PALS2: variants seen among roughly 807,000 people sequenced by gnomAD.
The protein encoded by PALS2 is protein associated with LIN7 2, MAGUK p55 family member.
Under a neutral mutation model 61.6 loss-of-function variants are expected in PALS2, and 27 were observed. That is an observed-to-expected ratio of 0.44 (90% CI 0.32 to 0.60). The LOEUF (loss-of-function observed/expected upper bound fraction) is 0.60. PALS2 is among the 20% of genes least tolerant of loss of function. PALS2 has a pLI of 0.05. For missense variants in PALS2, 554 were observed against 639.4 expected, an observed-to-expected ratio of 0.87 and a Z score of 1.44; for synonymous variants, 236 against 218.6, an observed-to-expected ratio of 1.08 and a Z score of -0.70.
chr7:24,632,184 CGTTA>C (rs1484833544), intron 2 of PALS2, among the ~76,000 whole-genome samples: 1 of 152,178 alleles, frequency 6.6e-6, no homozygotes, highest in Non-Finnish European at 1.5e-5. Flanking sequence ...CAACTCTTAT[CGTTA>C]TGTAATGCCT....
intron 11 of PALS2, among the ~76,000 whole-genome samples, chr7:24,683,884 T>A (rs189077804): frequency 2.6e-5 from 4 of 152,232 alleles, no homozygotes; most frequent in African/African-American, 4.8e-5. Flanking sequence ...GTCTAATTCC[T>A]TTCTCTTATG....
intron 2 of PALS2, among the ~76,000 whole-genome samples, chr7:24,636,793 T>C (rs1785260674): frequency 6.6e-6 from 1 of 152,172 alleles, no homozygotes; most frequent in South Asian, 2.1e-4. Context: ...TTTGTAGAAG[T>C]CCTTCGTAAG....
rs1788282726 is a variant in PALS2 at position 24,687,756 on chromosome 7, A to G, written c.*142A>G. 1 of 705,484 alleles carries G rather than the reference A, an allele frequency of 1.4e-6. No homozygotes were observed. Among genetic ancestry groups the G allele is most frequent in the Non-Finnish European group, 2.1e-6 (1 of 471,160 alleles). The allele number at this position is 705,484 out of a possible 1,614,324, so 43.7% of individuals were successfully genotyped here. Reference sequence around the variant, plus strand: ...TTATGGTGTAGATTGAAATAATAGTACACTTCTGAATTTTTATATAAAATG... The same window carrying G: ...TTATGGTGTAGATTGAAATAATAGTGCACTTCTGAATTTTTATATAAAATG... On this transcript the variant is annotated 3_prime_UTR_variant, in exon 12 of 12. Transcript: ENST00000222644. This position sits in a 1 kb window ranked among gnomAD's most constrained non-coding sequence, Gnocchi z 4.5.
chr7:24,676,839 G>A (rs1787626310), intron 9 of PALS2, among the ~76,000 whole-genome samples: 1 of 151,108 alleles, frequency 6.6e-6, no homozygotes, highest in Non-Finnish European at 1.5e-5. Context: ...TTTTGGCTTA[G>A]GATTGACTTG....
intron 1 of PALS2, among the ~76,000 whole-genome samples, chr7:24,611,282 A>G (rs1378609066): frequency 6.6e-6 from 1 of 152,018 alleles, no homozygotes; most frequent in Admixed American, 6.6e-5. Context: ...TTGCCATTTT[A>G]GTAGACTAAA....
chr7:24,612,831 C>CT (rs1333097971), intron 1 of PALS2, among the ~76,000 whole-genome samples: 1 of 151,836 alleles, frequency 6.6e-6, no homozygotes, highest in Non-Finnish European at 1.5e-5. Flanking sequence ...TTACTTAAAA[C>CT]TTAAACTACA....
intron 1 of PALS2, among the ~76,000 whole-genome samples, chr7:24,579,992 G>A (rs1378810116): frequency 6.6e-6 from 1 of 152,092 alleles, no homozygotes; most frequent in South Asian, 2.1e-4. Flanking sequence ...AAAGAAAAAT[G>A]TATGAGAAAG....
chr7:24,575,360 T>C (rs1219735334), intron 1 of PALS2, among the ~76,000 whole-genome samples: 1 of 152,174 alleles, frequency 6.6e-6, no homozygotes, highest in Non-Finnish European at 1.5e-5. Context: ...TTTTTTTCTT[T>C]AGGCCAACTG....
chr7:24,680,457 A>G lies in PALS2; in HGVS notation c.1383A>G (p.Leu461=). The G allele has an allele frequency of 1.2e-6, 2 of 1,613,954 alleles. No homozygotes were observed. Among genetic ancestry groups the G allele is most frequent in the Non-Finnish European group, 1.7e-6 (2 of 1,179,810 alleles). ...TGGTATTTATTGCGGCTCCGGAGCT[A>G]GAGACGTTACGTGCCATGCACAAGG... ...PYVVFIAAPE[L]ETLRAMHKAV... is the part of the protein sequence containing the mutation. The change falls in exon 11 of 12, where the codon CTA becomes CTG. Residue 461 remains leucine (L), a synonymous_variant. Coordinates refer to ENST00000222644, the MANE Select transcript of PALS2 (RefSeq NM_001303037.2).
intron 9 of PALS2, among the ~76,000 whole-genome samples, chr7:24,671,559 T>G (rs1787297949): frequency 6.6e-6 from 1 of 152,214 alleles, no homozygotes; most frequent in Non-Finnish European, 1.5e-5. Context: ...ATGTCTTTTG[T>G]TGCTCATGCT....
Position 24,584,630 on chromosome 7 carries a change from G to T in PALS2, c.-3+11037G>T, listed in dbSNP as rs911748606. Among the ~76,000 whole-genome samples, 469 of 150,586 alleles carry T rather than the reference G, an allele frequency of 3.1e-3. 1 individual carries two copies. The highest frequency in any genetic ancestry group is 5.5e-3 in the Non-Finnish European group (373 of 67,514). Reference sequence around the variant, plus strand: ...TGTAGGTTGCCTGTTCACTCTGATGGTAGTTTATTTTGCTGTGCAGAAGCT... The same window carrying T: ...TGTAGGTTGCCTGTTCACTCTGATGTTAGTTTATTTTGCTGTGCAGAAGCT... On this transcript the variant is annotated intron_variant, in intron 1 of 11. Coordinates refer to ENST00000222644, the MANE Select transcript of PALS2 (RefSeq NM_001303037.2).
At position 24,623,742 on chromosome 7, in the gene PALS2, C is replaced by G. The variant is rs776992258; in HGVS notation, c.75C>G (p.Leu25=). The G allele has an allele frequency of 1.2e-6, 2 of 1,606,796 alleles. No homozygotes were observed. Among genetic ancestry groups the G allele is most frequent in the Non-Finnish European group, 1.7e-6 (2 of 1,175,700 alleles). Residue 25 remains leucine (L), a synonymous_variant, in exon 2 of 12, where the codon CTC becomes CTG. Transcript: ENST00000222644. The part of the protein sequence containing the change: ...TGAEEIDLIF[L]KGIMENPIVK... ...CAGAAGAAATAGACCTAATTTTCCT[C>G]AAGGGAATTATGGAGAATCCTATTG...
Position 24,679,201 on chromosome 7 carries a change from G to A in PALS2, c.1185G>A (p.Met395Ile). Residue 395 changes from methionine to isoleucine, a missense_variant, in exon 10 of 12, where the codon ATG becomes ATA. By Grantham distance (10) the Met-to-Ile change is conservative. Transcript: ENST00000222644. Reference sequence around the variant, plus strand: ...ATAAGTTTGTGTCACGATCTGAGATGGAAGCAGATATTAAAGCTGGAAAGT... The same window carrying A: ...ATAAGTTTGTGTCACGATCTGAGATAGAAGCAGATATTAAAGCTGGAAAGT... ...QAYKFVSRSE[M>I]EADIKAGKYL... is the part of the protein sequence containing the mutation. 1 of 1,613,962 alleles carries A rather than the reference G, an allele frequency of 6.2e-7. No homozygotes were observed.
chr7:24,650,902 G>T (rs996734754), intron 5 of PALS2, among the ~76,000 whole-genome samples, 190 bp downstream of exon 5: 1 of 152,126 alleles, frequency 6.6e-6, no homozygotes, highest in Non-Finnish European at 1.5e-5. Context: ...CTATTGTAAA[G>T]GAAATAGTAG....
chr7:24,591,442 A>T (rs1200918797), intron 1 of PALS2, among the ~76,000 whole-genome samples: 1 of 152,120 alleles, frequency 6.6e-6, no homozygotes, highest in Non-Finnish European at 1.5e-5. Context: ...TCACATTACA[A>T]TGATGAGAAG....
At chr7:24,600,395 C>T (rs1232972354) in intron 1 of PALS2, among the ~76,000 whole-genome samples, 1 of 152,092 alleles carries the variant, frequency 6.6e-6, no homozygotes, top group Non-Finnish European at 1.5e-5. Context: ...TATAAAATAT[C>T]TTACATAACA....
chr7:24,652,146 C>T (rs1041787510), intron 5 of PALS2, among the ~76,000 whole-genome samples: 1 of 152,114 alleles, frequency 6.6e-6, no homozygotes, highest in Non-Finnish European at 1.5e-5. Flanking sequence ...GACCTGCGTA[C>T]GCTGGAAGAG....
chr7:24,663,217 A>G (rs1364166220), intron 5 of PALS2, among the ~76,000 whole-genome samples: 1 of 152,238 alleles, frequency 6.6e-6, no homozygotes, highest in Non-Finnish European at 1.5e-5. Context: ...CCTTAAATCA[A>G]CTACCTATAT....
chr7:24,577,251 A>C (rs1174806840), intron 1 of PALS2, among the ~76,000 whole-genome samples: 1 of 150,888 alleles, frequency 6.6e-6, no homozygotes, highest in African/African-American at 2.4e-5. Context: ...TTCATCCGAA[A>C]ATTCTTTTTT....
Sources: allele counts gnomAD v4.1 joint callset (sites outside exome capture counted in the v4.1 genomes callset), GRCh38; gene constraint gnomAD v4.1.1; non-coding constraint Gnocchi (gnomAD v3.1); transcripts MANE v1.5; gene names NCBI Gene and HGNC (gene_info 2026-07-23, HGNC 2026-07-21).